Variants in ADAMTS17 observed in about 807,000 individuals in gnomAD.
The protein encoded by ADAMTS17 is A disintegrin and metalloproteinase with thrombospondin motifs 17.
In ADAMTS17, 113 loss-of-function variants were observed where a neutral mutation model predicts 141.5. The observed-to-expected ratio is 0.80, with a 90% CI of 0.69 to 0.93. The LOEUF (loss-of-function observed/expected upper bound fraction) is 0.93, where lower values mean the gene tolerates loss of function less well. Ranked by LOEUF, ADAMTS17 falls within the 40% of genes least tolerant of loss-of-function variation. ADAMTS17 has a pLI of 0.00. For synonymous variants in ADAMTS17, 768 were observed against 630.6 expected (o/e 1.22, Z -3.27); for missense variants, 1,659 against 1,517.9 (o/e 1.09, Z -1.54).
intron 15 of ADAMTS17, among the ~76,000 whole-genome samples, chr15:100,055,458 C>G (rs28679299): frequency 0.1 from 15,802 of 152,162 alleles, 1,642 homozygotes; most frequent in African/African-American, 0.27. Context: ...CCGGCAAACA[C>G]ACAGACGCAG....
At chr15:100,027,586 C>G (rs1261038858) in intron 18 of ADAMTS17, among the ~76,000 whole-genome samples, 1 of 152,230 alleles carries the variant, frequency 6.6e-6, no homozygotes, top group Non-Finnish European at 1.5e-5. Context: ...TTGTTTGTAG[C>G]TGCTTTTGTG....
At chr15:100,143,817 C>A (rs1183593156) in intron 10 of ADAMTS17, among the ~76,000 whole-genome samples, 1 of 152,198 alleles carries the variant, frequency 6.6e-6, no homozygotes, top group African/African-American at 2.4e-5. Flanking sequence ...GCTCCTAAAG[C>A]AATTGCAGAA....
chr15:100,316,555 GTC>G (rs1250407863), intron 3 of ADAMTS17, among the ~76,000 whole-genome samples: 1 of 152,074 alleles, frequency 6.6e-6, no homozygotes, highest in Non-Finnish European at 1.5e-5. Context: ...CCTCTGCCCT[GTC>G]TCTCTCTCCT....
intron 3 of ADAMTS17, among the ~76,000 whole-genome samples, chr15:100,318,421 T>C (rs1300391703): frequency 2.0e-5 from 3 of 152,048 alleles, no homozygotes; most frequent in Non-Finnish European, 4.4e-5. Flanking sequence ...GGGGCCCTCA[T>C]GAATGGTATT....
At chr15:100,175,778 T>C (rs1339743022) in intron 8 of ADAMTS17, among the ~76,000 whole-genome samples, 1 of 151,984 alleles carries the variant, frequency 6.6e-6, no homozygotes, top group Non-Finnish European at 1.5e-5. Flanking sequence ...GTGTGAACGG[T>C]GCCCCCGAGA....
intron 3 of ADAMTS17, among the ~76,000 whole-genome samples, chr15:100,313,786 A>G (rs1345731783): frequency 2.0e-5 from 3 of 149,942 alleles, no homozygotes; most frequent in Non-Finnish European, 3.0e-5. Context: ...GAAACGTCAG[A>G]CAAAACCACC....
Position 100,038,876 on chromosome 15 carries a change from T to C in ADAMTS17, c.2591+9981A>G, listed in dbSNP as rs568459580. ...GTTGGATAGAAATAGTAAGAGCAGATACTGTGTCTTGCTCCTGATCTTTGG... is the reference window on the plus strand; with the variant it reads ...GTTGGATAGAAATAGTAAGAGCAGACACTGTGTCTTGCTCCTGATCTTTGG... On this transcript the variant is annotated intron_variant, in intron 18 of 21. Transcript: ENST00000268070. Among the ~76,000 whole-genome samples the C allele has an allele frequency of 3.0e-4, 45 of 152,384 alleles. 1 individual carries two copies. The South Asian group carries it at 8.5e-3, about 29-fold the overall frequency.
chr15:100,200,991 G>A (rs1048350072), intron 7 of ADAMTS17, among the ~76,000 whole-genome samples: 8 of 152,352 alleles, frequency 5.3e-5, no homozygotes, highest in African/African-American at 1.9e-4. Flanking sequence ...GTCTCAGGAG[G>A]GAAGGAGTTG....
At chr15:100,266,916 G>C (rs12907371) in intron 4 of ADAMTS17, among the ~76,000 whole-genome samples, 17,328 of 152,146 alleles carry the variant, frequency 0.11, 1,137 homozygotes, top group Admixed American at 0.16. Context: ...CCCAGCAGAG[G>C]ATGCAAGGGT....
chr15:100,028,689 TGCTG>T (rs1160914363), intron 18 of ADAMTS17, among the ~76,000 whole-genome samples: 1 of 152,242 alleles, frequency 6.6e-6, no homozygotes, highest in Non-Finnish European at 1.5e-5. Flanking sequence ...GCAGGTCCCC[TGCTG>T]GCAGCAGCGG....
At chr15:100,223,904 A>G (rs1352127555) in intron 7 of ADAMTS17, among the ~76,000 whole-genome samples, 1 of 152,102 alleles carries the variant, frequency 6.6e-6, no homozygotes. Flanking sequence ...CAAGCTGAGG[A>G]GCAAGGAGAA....
chr15:100,271,284 G>C (rs2043901381), intron 4 of ADAMTS17, among the ~76,000 whole-genome samples: 2 of 152,166 alleles, frequency 1.3e-5, no homozygotes, highest in Admixed American at 6.5e-5. Context: ...GAAATTGCTA[G>C]ATCATATGGT....
chr15:100,197,566 C>A (rs1404233387), intron 8 of ADAMTS17, among the ~76,000 whole-genome samples: 2 of 152,076 alleles, frequency 1.3e-5, no homozygotes, highest in Non-Finnish European at 2.9e-5. Flanking sequence ...CAGTTCTGTG[C>A]AAAGAATTGT....
At chr15:99,984,859 T>A (rs989376497) in intron 20 of ADAMTS17, among the ~76,000 whole-genome samples, 2 of 152,254 alleles carry the variant, frequency 1.3e-5, no homozygotes, top group African/African-American at 2.4e-5. Flanking sequence ...GGGCATGGGA[T>A]GACCAGGCTT....
rs187400873 is a variant in ADAMTS17, at chr15:100,051,561, C to T, written c.2455+11G>A. On this transcript the variant is annotated intron_variant, in intron 17 of 21. Coordinates refer to ENST00000268070, the MANE Select transcript of ADAMTS17 (RefSeq NM_139057.4). ...CCCACACCCAACAGGTCATGGACCA[C>T]GGCCACTCACCTCCGCCGCACTGCA... 7.4e-5 allele frequency: 120 copies of T among 1,612,984 alleles called. No individual in the cohort carries two copies. The Admixed American group carries it at 1.7e-3, about 24-fold the overall frequency.
At chr15:100,012,184 T>C (rs1427709388) in intron 18 of ADAMTS17, among the ~76,000 whole-genome samples, 1 of 152,240 alleles carries the variant, frequency 6.6e-6, no homozygotes, top group African/African-American at 2.4e-5. Context: ...TGGCCTTTTG[T>C]ATATCTTCTT....
intron 8 of ADAMTS17, among the ~76,000 whole-genome samples, chr15:100,156,471 C>G (rs1225855321): frequency 6.6e-6 from 1 of 152,204 alleles, no homozygotes; most frequent in African/African-American, 2.4e-5. Context: ...CTCATGTGTT[C>G]TGGAACTTTG....
At chr15:100,098,303 G>A (rs2035887279) in intron 14 of ADAMTS17, among the ~76,000 whole-genome samples, 1 of 152,140 alleles carries the variant, frequency 6.6e-6, no homozygotes, top group Admixed American at 6.5e-5. Context: ...GGGCTGCCTA[G>A]ATTCTCGGTG....
chr15:100,300,876 T>G (rs1286068725), intron 3 of ADAMTS17, among the ~76,000 whole-genome samples: 1 of 152,234 alleles, frequency 6.6e-6, no homozygotes, highest in Non-Finnish European at 1.5e-5. Flanking sequence ...AAAGAAGCTT[T>G]TGTGGGTCCC....
Sources: gnomAD v4.1 joint callset for allele counts (sites outside exome capture counted in the v4.1 genomes callset) on GRCh38, gnomAD v4.1.1 for gene constraint, MANE v1.5 for transcripts, NCBI Gene and HGNC (gene_info 2026-07-23, HGNC 2026-07-21) for gene names.